BBS4: variants seen among roughly 807,000 people sequenced by gnomAD.
BBS4 encodes BBSome complex member BBS4.
A neutral mutation model predicts 71.4 loss-of-function variants in BBS4; 58 were observed. That is an observed-to-expected ratio of 0.81 (90% CI 0.66 to 1.01). BBS4 has a LOEUF of 1.01. Ranked by LOEUF, BBS4 falls within the 50% of genes least tolerant of loss-of-function variation. BBS4 has a pLI of 0.00. For missense variants in BBS4, 660 were observed against 607.9 expected, an observed-to-expected ratio of 1.09 and a Z score of -0.90; for synonymous variants, 228 against 216.8, an observed-to-expected ratio of 1.05 and a Z score of -0.46.
At chr15:72,687,134 T>TTTTTTTTTTTTTTTTTTTTTTTTTTTTA in intron 1 of BBS4, among the ~76,000 whole-genome samples, 1 of 140,560 alleles carries the variant, frequency 7.1e-6, no homozygotes, top group African/African-American at 2.6e-5. Flanking sequence ...CTTTTTTTTT[T>TTTTTTTTTTTTTTTTTTTTTTTTTTTTA]GAGACGGAGT....
intron 4 of BBS4, among the ~76,000 whole-genome samples, chr15:72,714,200 A>AGATAAGG (rs1251694399): frequency 6.6e-6 from 1 of 151,180 alleles, no homozygotes; most frequent in Non-Finnish European, 1.5e-5. Flanking sequence ...TAGAAACCAA[A>AGATAAGG]GATAAGGACC....
intron 9 of BBS4, among the ~76,000 whole-genome samples, chr15:72,729,037 G>A (rs982511201): frequency 4.6e-5 from 7 of 152,154 alleles, no homozygotes; most frequent in Non-Finnish European, 1.0e-4. Flanking sequence ...TACTAGTGTG[G>A]CAGAGATGGT....
intron 1 of BBS4, among the ~76,000 whole-genome samples, chr15:72,691,796 C>G (rs1263070159): frequency 1.3e-5 from 2 of 152,076 alleles, no homozygotes; most frequent in Non-Finnish European, 2.9e-5. Context: ...AACTCCGTCT[C>G]TACTAAAAAT....
At chr15:72,715,456 T>G (rs2065452337) in intron 5 of BBS4, 54 bp downstream of exon 5, 1 of 1,274,584 alleles carries the variant, frequency 7.8e-7, no homozygotes, top group Admixed American at 1.7e-5. Context: ...CAGTGTAAAA[T>G]GCATTCCTAG....
intron 5 of BBS4, among the ~76,000 whole-genome samples, chr15:72,716,160 C>T (rs2065465489): frequency 6.6e-6 from 1 of 152,158 alleles, no homozygotes; most frequent in Admixed American, 6.5e-5. Context: ...GATGTAACCC[C>T]ATCATAAGTT....
intron 8 of BBS4, among the ~76,000 whole-genome samples, chr15:72,727,616 G>C (rs2065727648): frequency 6.6e-6 from 1 of 152,102 alleles, no homozygotes; most frequent in African/African-American, 2.4e-5. Context: ...GGCTGACTTG[G>C]TTTATAAAGC....
chr15:72,737,169 GACTTAGTTGGATGGTCT>G, intron 15 of BBS4: 1 of 656,534 alleles, frequency 1.5e-6, no homozygotes, highest in Non-Finnish European at 2.7e-6. Context: ...GCTACTCACA[GACTTAGTTGGATGGTCT>G]ATACACTGGT....
chr15:72,729,381 G>A (rs2065766998), intron 9 of BBS4, among the ~76,000 whole-genome samples: 1 of 151,516 alleles, frequency 6.6e-6, no homozygotes, highest in South Asian at 2.1e-4. Context: ...CTCCCAAGTA[G>A]CTGGGATTAC....
chr15:72,737,452 G>T, intron 15 of BBS4, 26 bp from the exon 16 acceptor site: 1 of 1,558,174 alleles, frequency 6.4e-7, no homozygotes, highest in Non-Finnish European at 8.8e-7. Context: ...GGAACATGAG[G>T]ATTCAAGTTT....
intron 6 of BBS4, 67 bp downstream of exon 6, chr15:72,716,917 T>C: frequency 8.7e-7 from 1 of 1,151,440 alleles, no homozygotes. Flanking sequence ...ATCATCTGGC[T>C]GTCTTATTTC....
chr15:72,732,400 C>CT (rs1398580109), intron 12 of BBS4, among the ~76,000 whole-genome samples: 1 of 152,158 alleles, frequency 6.6e-6, no homozygotes, highest in Non-Finnish European at 1.5e-5. Flanking sequence ...TAATCAAACA[C>CT]TTTAACAATT....
chr15:72,737,213 A>G (rs2065943565), intron 15 of BBS4: 1 of 612,544 alleles, frequency 1.6e-6, no homozygotes, highest in African/African-American at 1.8e-5. Flanking sequence ...AATTTTAGCA[A>G]TATGTTATTA....
intron 6 of BBS4, among the ~76,000 whole-genome samples, chr15:72,720,856 C>T (rs2065559696): frequency 6.6e-6 from 1 of 152,200 alleles, no homozygotes; most frequent in African/African-American, 2.4e-5. Context: ...CTGATTTGTT[C>T]TGTTGCCCTT....
intron 4 of BBS4, 90 bp downstream of exon 4, chr15:72,712,397 A>G (rs2065390198): frequency 8.0e-7 from 1 of 1,247,966 alleles, no homozygotes; most frequent in Non-Finnish European, 1.2e-6. Context: ...AACAAGTTCA[A>G]GTACAGTCAT....
intron 4 of BBS4, among the ~76,000 whole-genome samples, chr15:72,714,152 A>C (rs1166941335): frequency 6.6e-6 from 1 of 152,110 alleles, no homozygotes; most frequent in Admixed American, 6.6e-5. Flanking sequence ...AGAAGCCTGG[A>C]AATAAACAAG....
intron 2 of BBS4, among the ~76,000 whole-genome samples, chr15:72,703,071 A>G (rs1595915040): frequency 6.6e-6 from 1 of 151,514 alleles, no homozygotes; most frequent in South Asian, 2.1e-4. Context: ...TCGGCCTCCC[A>G]AAGTGCTGGG....
intron 2 of BBS4, among the ~76,000 whole-genome samples, chr15:72,704,915 A>G (rs1595916935): frequency 1.3e-5 from 2 of 152,122 alleles, no homozygotes; most frequent in Middle Eastern, 6.8e-3. Flanking sequence ...AACAAAAACA[A>G]AATGCAAAAA....
chr15:72,724,525 C>T lies in BBS4; in HGVS notation c.460-3C>T. 1.9e-6 allele frequency: 3 copies of T among 1,613,766 alleles called. No individual in the cohort carries two copies. The highest frequency in any genetic ancestry group is 2.5e-6 in the Non-Finnish European group (3 of 1,179,796). On this transcript the variant is annotated splice_region_variant and splice_polypyrimidine_tract_variant and intron_variant, in intron 7 of 15. Coordinates refer to ENST00000268057, the MANE Select transcript of BBS4 (RefSeq NM_033028.5). ...GTTTTCTTTATTTTGTTAAACTTGT[C>T]AGGCACAAGACCAGTTGCACAATGC... is the stretch of plus-strand genomic sequence containing the variant.
At chr15:72,731,508 G>A (rs368696320) in intron 11 of BBS4, 47 bp from the exon 12 acceptor site, 397 of 1,614,078 alleles carry the variant, frequency 2.5e-4, no homozygotes, top group Non-Finnish European at 3.1e-4. Flanking sequence ...TGGTTATTGG[G>A]TCTGTTTAGC....
Sources: gnomAD v4.1 joint callset for allele counts (sites outside exome capture counted in the v4.1 genomes callset) on GRCh38, gnomAD v4.1.1 for gene constraint, MANE v1.5 for transcripts, NCBI Gene and HGNC (gene_info 2026-07-23, HGNC 2026-07-21) for gene names.